UNC80: variants seen among roughly 807,000 people sequenced by gnomAD.
UNC80 encodes the protein unc-80 subunit of NALCN channel complex.
Under a neutral mutation model 384.6 loss-of-function variants are expected in UNC80, and 164 were observed. The observed-to-expected ratio is 0.43, with a 90% CI of 0.38 to 0.49. UNC80 has a LOEUF of 0.49. UNC80 is among the 20% of genes least tolerant of loss of function. The pLI is 0.00. For synonymous variants in UNC80, 1,486 were observed against 1,527.8 expected, an observed-to-expected ratio of 0.97 and a Z score of 0.64; for missense variants, 3,330 against 4,143.0, an observed-to-expected ratio of 0.80 and a Z score of 5.39.
intron 26 of UNC80, among the ~76,000 whole-genome samples, chr2:209,889,988 G>A (rs558371716): frequency 2.0e-5 from 3 of 152,222 alleles, no homozygotes; most frequent in South Asian, 2.1e-4. Flanking sequence ...GTGAGCCAAC[G>A]TGCCCAGCTA....
chr2:209,896,273 A>T (rs1332543924), intron 27 of UNC80, 40 bp from the exon 28 acceptor site: 17 of 1,522,016 alleles, frequency 1.1e-5, no homozygotes, highest in Middle Eastern at 1.8e-4. Flanking sequence ...CTCCAGGGAG[A>T]CCGAACACTG....
At position 209,967,529 on chromosome 2, in the gene UNC80, T is replaced by C. The variant is rs1236456870; in HGVS notation, c.7898T>C (p.Met2633Thr). ...GGGCTTCGGCGCTACATCATGGAGA[T>C]GCTACCCATTACTGACTGGACAGCT... The part of the protein sequence containing the change: ...SRGLRRYIME[M>T]LPITDWTAEA... Residue 2633 changes from methionine (M) to threonine (T), a missense_variant, in exon 52 of 65, where the codon ATG becomes ACG. Met to Thr is a moderately conservative substitution (Grantham distance 81). Around this residue, in one of 8 missense-constraint regions of UNC80, gnomAD observed 1,049 missense variants for 1,488.6 expected, o/e 0.70. Transcript: ENST00000673920. 6.4e-7 allele frequency: 1 copy of C among 1,551,548 alleles called. No individual in the cohort carries two copies. The highest frequency in any genetic ancestry group is 2.4e-5 in the East Asian group (1 of 40,934).
At chr2:209,944,411 T>C (rs2091811556) in intron 45 of UNC80, among the ~76,000 whole-genome samples, 1 of 152,220 alleles carries the variant, frequency 6.6e-6, no homozygotes, top group Non-Finnish European at 1.5e-5. Flanking sequence ...AATTTAATCT[T>C]CATGAAAGCA....
At chr2:209,815,169 G>T in intron 8 of UNC80, 88 bp from the exon 9 acceptor site, 32 of 1,324,952 alleles carry the variant, frequency 2.4e-5, no homozygotes, top group Non-Finnish European at 3.3e-5. Flanking sequence ...AGCTATAGGC[G>T]CATCCCTATT....
intron 25 of UNC80, 70 bp downstream of exon 25, chr2:209,881,164 A>C (rs2085252680): frequency 6.7e-7 from 1 of 1,483,018 alleles, no homozygotes; most frequent in Non-Finnish European, 9.0e-7. Flanking sequence ...GGTTTCCAAG[A>C]TTCACAGTTT....
At chr2:209,928,760 A>G (rs2090624832) in intron 36 of UNC80, among the ~76,000 whole-genome samples, 1 of 152,204 alleles carries the variant, frequency 6.6e-6, no homozygotes, top group South Asian at 2.1e-4. Flanking sequence ...GTGCTAAAGA[A>G]CACTGAAACT....
At chr2:209,809,287 G>T in intron 7 of UNC80, 1 of 751,078 alleles carries the variant, frequency 1.3e-6, no homozygotes, top group Non-Finnish European at 2.5e-6. Flanking sequence ...CAGCCTGGGT[G>T]CCCTCAAGAA....
chr2:209,871,112 G>T (rs1309149905), intron 22 of UNC80, among the ~76,000 whole-genome samples: 1 of 152,118 alleles, frequency 6.6e-6, no homozygotes, highest in Admixed American at 6.6e-5. Flanking sequence ...ATCAAATGGG[G>T]AAATGATATG....
At position 209,934,021 on chromosome 2, in the gene UNC80, T is replaced by C; in HGVS notation, c.6178+16T>C. The C allele has an allele frequency of 6.6e-7, 1 of 1,515,694 alleles. No individual in the cohort carries two copies. The highest frequency in any genetic ancestry group is 2.2e-4 in the Middle Eastern group (1 of 4,488). 93.9% of individuals were successfully genotyped at this position (1,515,694 alleles called of 1,614,324 possible). ...TCAATGCCAGGTAAGCCACTACTAC[T>C]TTTTAGTAACATAACTTTAAAAAAA... On this transcript the variant is annotated intron_variant, in intron 39 of 64. Coordinates refer to ENST00000673920, the MANE Select transcript of UNC80 (RefSeq NM_001371986.1).
chr2:209,959,454 T>C, intron 50 of UNC80, 35 bp from the exon 51 acceptor site: 1 of 1,541,874 alleles, frequency 6.5e-7, no homozygotes, highest in African/African-American at 1.4e-5. Flanking sequence ...TGAATACATT[T>C]TCAGACCCCT....
intron 61 of UNC80, among the ~76,000 whole-genome samples, chr2:209,991,933 C>T (rs1472068569): frequency 6.6e-6 from 1 of 152,124 alleles, no homozygotes; most frequent in Non-Finnish European, 1.5e-5. Context: ...ATGATAGATA[C>T]GGCATCAGTG....
chr2:209,905,087 A>C, intron 29 of UNC80, 122 bp downstream of exon 29: 1 of 976,504 alleles, frequency 1.0e-6, no homozygotes, highest in East Asian at 2.6e-5. Flanking sequence ...GTGTGCATCT[A>C]AACATAAGCA....
At chr2:209,828,607 CT>C (rs2080724957) in intron 14 of UNC80, among the ~76,000 whole-genome samples, 4 of 152,146 alleles carry the variant, frequency 2.6e-5, no homozygotes, top group Admixed American at 2.6e-4. Flanking sequence ...ATTAAGGACA[CT>C]AATACAATCC....
chr2:209,971,669 A>C (rs1377314690), intron 54 of UNC80, among the ~76,000 whole-genome samples: 1 of 152,234 alleles, frequency 6.6e-6, no homozygotes, highest in Non-Finnish European at 1.5e-5. Context: ...TAGAAAAGAG[A>C]TCAAGTAAGA....
intron 64 of UNC80, among the ~76,000 whole-genome samples, chr2:209,994,759 A>G (rs540046442): frequency 1.6e-4 from 25 of 152,228 alleles, no homozygotes; most frequent in Non-Finnish European, 2.9e-4. Context: ...TGTGTTTCCA[A>G]GCATTCAGAT....
chr2:209,773,792 C>G (rs146243009), intron 2 of UNC80, among the ~76,000 whole-genome samples: 1 of 152,162 alleles, frequency 6.6e-6, no homozygotes, highest in Non-Finnish European at 1.5e-5. Flanking sequence ...CATTTCTGCA[C>G]TTTTATGTCT....
chr2:209,883,363 T>C (rs1043023459), intron 25 of UNC80, among the ~76,000 whole-genome samples: 2 of 152,024 alleles, frequency 1.3e-5, no homozygotes, highest in South Asian at 4.2e-4. Flanking sequence ...ATTTTATGCC[T>C]TTCTATTAAG....
At chr2:209,824,869 A>C (rs1025906214) in intron 13 of UNC80, among the ~76,000 whole-genome samples, 2 of 152,186 alleles carry the variant, frequency 1.3e-5, no homozygotes, top group African/African-American at 4.8e-5. Flanking sequence ...TTATGCGTCA[A>C]CCCAATCATG....
At position 209,793,703 on chromosome 2, in the gene UNC80, A is replaced by C. The variant is rs1223029507; in HGVS notation, c.799-17A>C. The C allele has an allele frequency of 6.2e-7, 1 of 1,612,930 alleles. No homozygotes were observed. Among genetic ancestry groups the C allele is most frequent in the Admixed American group, 1.7e-5 (1 of 59,890 alleles). ...AACAAAAAACAAAACCTAATCTGCT[A>C]TCTCTGCCTCCAAAAGGGACTCCAG... On this transcript the variant is annotated splice_polypyrimidine_tract_variant and intron_variant, in intron 6 of 64. Coordinates refer to ENST00000673920, the MANE Select transcript of UNC80 (RefSeq NM_001371986.1).
Sources: gnomAD v4.1 joint callset for allele counts (sites outside exome capture counted in the v4.1 genomes callset) on GRCh38, gnomAD v4.1.1 for gene constraint, gnomAD v4.1.1 regional missense constraint, MANE v1.5 for transcripts, NCBI Gene and HGNC (gene_info 2026-07-23, HGNC 2026-07-21) for gene names.